The following MYO1E variants were observed in gnomAD, a reference collection of about 807,000 sequenced individuals.
MYO1E encodes unconventional myosin-Ie.
Under a neutral mutation model 151.1 loss-of-function variants are expected in MYO1E, and 68 were observed. That is an observed-to-expected ratio of 0.45 (90% confidence interval 0.37 to 0.55). MYO1E has a LOEUF of 0.55. Ranked by LOEUF, MYO1E falls within the 20% of genes least tolerant of loss-of-function variation. The pLI, the probability that MYO1E is intolerant of heterozygous loss-of-function variation, is 0.00. For missense variants in MYO1E, 1,363 were observed against 1,389.3 expected (o/e 0.98, Z 0.30); for synonymous variants, 601 against 501.7 (o/e 1.20, Z -2.64).
intron 2 of MYO1E, 141 bp downstream of exon 2, chr15:59,272,165 G>T: frequency 1.1e-6 from 1 of 887,810 alleles, no homozygotes. Context: ...TGTGTTGCCA[G>T]GATGGTCTGG....
chr15:59,308,079 C>G (rs1216888458), intron 1 of MYO1E, among the ~76,000 whole-genome samples: 2 of 149,628 alleles, frequency 1.3e-5, no homozygotes, highest in Non-Finnish European at 3.0e-5. Flanking sequence ...AAAAATTAGC[C>G]GGATGTGGTG....
At chr15:59,348,494 T>C (rs1353624388) in intron 1 of MYO1E, among the ~76,000 whole-genome samples, 2 of 152,198 alleles carry the variant, frequency 1.3e-5, no homozygotes, top group Non-Finnish European at 2.9e-5. Context: ...TGAAAAGTAA[T>C]ACAGTTGTGT....
At chr15:59,273,601 A>C (rs1331822017) in intron 1 of MYO1E, among the ~76,000 whole-genome samples, 1 of 152,006 alleles carries the variant, frequency 6.6e-6, no homozygotes, top group African/African-American at 2.4e-5. Context: ...AAGTAGGTCT[A>C]AGATATTTAG....
chr15:59,353,774 A>G (rs1344140635), intron 1 of MYO1E, among the ~76,000 whole-genome samples: 1 of 141,000 alleles, frequency 7.1e-6, no homozygotes, highest in African/African-American at 2.6e-5. Flanking sequence ...AAAAAAAAAC[A>G]AAGAAAGAAA....
chr15:59,221,537 T>G (rs2079956603), intron 9 of MYO1E, among the ~76,000 whole-genome samples: 1 of 152,106 alleles, frequency 6.6e-6, no homozygotes, highest in South Asian at 2.1e-4. Context: ...TCAAGCCACG[T>G]TAATGTATTA....
At chr15:59,241,375 C>T (rs1193925658) in intron 4 of MYO1E, among the ~76,000 whole-genome samples, 1 of 151,990 alleles carries the variant, frequency 6.6e-6, no homozygotes, top group Admixed American at 6.6e-5. Context: ...GAAACAACAA[C>T]TATAATAATA....
chr15:59,277,548 C>CAAAAAAAAAAAAAAAAAAAA (rs1166969756), intron 1 of MYO1E, among the ~76,000 whole-genome samples: 1 of 42,946 alleles, frequency 2.3e-5, no homozygotes, highest in African/African-American at 8.0e-5. Flanking sequence ...CATCCCCCCA[C>CAAAAAAAAAAAAAAAAAAAA]AAAAAAAAAA....
intron 9 of MYO1E, among the ~76,000 whole-genome samples, chr15:59,222,189 G>GA (rs2079960331): frequency 6.6e-6 from 1 of 152,106 alleles, no homozygotes; most frequent in South Asian, 2.1e-4. Context: ...ACCTTATTTG[G>GA]AATGGAAATA....
chr15:59,216,643 A>AGT (rs1301548766), intron 10 of MYO1E, among the ~76,000 whole-genome samples: 1,927 of 43,504 alleles, frequency 0.044, 263 homozygotes, highest in Middle Eastern at 0.076. Context: ...AAGGGCCCCC[A>AGT]GTGTGTGTGT....
chr15:59,153,838 C>T (rs769318997), intron 25 of MYO1E, 47 bp from the exon 26 acceptor site: 4 of 1,553,576 alleles, frequency 2.6e-6, no homozygotes, highest in African/African-American at 1.4e-5. Context: ...TTTTTGGATC[C>T]TTTGCCAAAA....
At chr15:59,223,650 G>A (rs1368663848) in intron 8 of MYO1E, among the ~76,000 whole-genome samples, 2 of 152,152 alleles carry the variant, frequency 1.3e-5, no homozygotes, top group East Asian at 1.9e-4. Context: ...AAGTGGACTC[G>A]AGATCTTTCC....
chr15:59,187,349 A>G (rs1377848758), intron 18 of MYO1E, among the ~76,000 whole-genome samples: 3 of 152,264 alleles, frequency 2.0e-5, no homozygotes, highest in African/African-American at 7.2e-5. Flanking sequence ...AATCCTCAAT[A>G]TAATTTGCCA....
At chr15:59,340,164 A>G (rs911606219) in intron 1 of MYO1E, among the ~76,000 whole-genome samples, 2 of 152,162 alleles carry the variant, frequency 1.3e-5, no homozygotes, top group South Asian at 2.1e-4. Context: ...CCTCTACAAA[A>G]TATTTTTTAA....
intron 5 of MYO1E, among the ~76,000 whole-genome samples, chr15:59,232,631 G>A (rs1194089169): frequency 1.3e-5 from 2 of 152,184 alleles, no homozygotes; most frequent in African/African-American, 4.8e-5. Context: ...CACATGCTAT[G>A]GTTAAACATG....
At chr15:59,180,628 C>T (rs1052672714) in intron 18 of MYO1E, among the ~76,000 whole-genome samples, 1 of 151,548 alleles carries the variant, frequency 6.6e-6, no homozygotes, top group Admixed American at 6.6e-5. Context: ...AGGGTCTTGG[C>T]AATACATGGG....
Position 59,263,995 on chromosome 15 carries a change from T to C in MYO1E, c.148-2486A>G, listed in dbSNP as rs373762655. On this transcript the variant is annotated intron_variant, in intron 2 of 27. Transcript: ENST00000288235. ...CGTCATAAAATTAATTAAACACATA[T>C]ACATTTACATCTTAGCACCAAATAA... is the stretch of plus-strand genomic sequence containing the variant. 4.3e-4 allele frequency among the ~76,000 whole-genome samples: 65 copies of C among 152,328 alleles called. No individual in the cohort carries two copies. The East Asian group carries it at 9.1e-3, about 21-fold the overall frequency.
In MYO1E at chr15:59,213,390, C is replaced by T. The variant is rs181979261; in HGVS notation, c.1275+838G>A. ...TTCATCATGTTGGCCAGGCTGGTCTCGAATTCCTGACCTCAAGTGATCTGC... is the reference window on the plus strand; with the variant it reads ...TTCATCATGTTGGCCAGGCTGGTCTTGAATTCCTGACCTCAAGTGATCTGC... On this transcript the variant is annotated intron_variant, in intron 12 of 27. Transcript: ENST00000288235. Among the ~76,000 whole-genome samples the T allele has an allele frequency of 2.9e-3, 440 of 151,892 alleles. 2 individuals are homozygous for T. The highest frequency in any genetic ancestry group is 1.0e-2 in the African/African-American group (413 of 41,414).
Position 59,137,379 on chromosome 15 carries a change from C to T in MYO1E, c.*1G>A, listed in dbSNP as rs2079379688. ...CCCCATGTGTCAGAGTCACGGGCAC[C>T]TCAGATCTTGGTCACATAGTTGTTG... On this transcript the variant is annotated 3_prime_UTR_variant, in exon 28 of 28. Coordinates refer to ENST00000288235, the MANE Select transcript of MYO1E (RefSeq NM_004998.4). 1.2e-6 allele frequency: 2 copies of T among 1,614,120 alleles called. No homozygotes were observed. Among genetic ancestry groups the T allele is most frequent in the African/African-American group, 2.7e-5 (2 of 75,060 alleles).
At position 59,142,119 on chromosome 15, in the gene MYO1E, AT is replaced by A. The variant is rs1555406452; in HGVS notation, c.3081-3753del. On this transcript the variant is annotated intron_variant, in intron 26 of 27. Coordinates refer to ENST00000288235, the MANE Select transcript of MYO1E (RefSeq NM_004998.4). ...GAGACTCCATCCCAAAAAAAAAAAA[AT>A]TTTTTTTTTAAGTCTGTACATGTTC... Among the ~76,000 whole-genome samples, 87 of 151,214 alleles carry A rather than the reference AT, an allele frequency of 5.8e-4. 1 individual carries two copies. The highest frequency in any genetic ancestry group is 1.3e-3 in the Admixed American group (19 of 15,198).
Sources: gnomAD v4.1 joint callset for allele counts (sites outside exome capture counted in the v4.1 genomes callset) on GRCh38, gnomAD v4.1.1 for gene constraint, MANE v1.5 for transcripts, NCBI Gene and HGNC (gene_info 2026-07-23, HGNC 2026-07-21) for gene names.